CFAP54: variants seen among roughly 807,000 people sequenced by gnomAD.
The protein encoded by CFAP54 is cilia and flagella associated protein 54, also known as cilia- and flagella-associated protein 54.
A neutral mutation model predicts 370.4 loss-of-function variants in CFAP54; 290 were observed. That is an observed-to-expected ratio of 0.78 (90% CI 0.71 to 0.86). The LOEUF is 0.86. Ranked by LOEUF, CFAP54 falls within the 40% of genes least tolerant of loss-of-function variation. The pLI is 0.00. For synonymous variants in CFAP54, 1,206 were observed against 1,236.5 expected, an observed-to-expected ratio of 0.98 and a Z score of 0.52; for missense variants, 3,399 against 3,528.7, an observed-to-expected ratio of 0.96 and a Z score of 0.93.
At chr12:96,729,599 C>T (rs994103619) in intron 50 of CFAP54, among the ~76,000 whole-genome samples, 1 of 152,204 alleles carries the variant, frequency 6.6e-6, no homozygotes, top group East Asian at 1.9e-4. Flanking sequence ...TCACCCCTTT[C>T]CTTAACCAGG....
intron 38 of CFAP54, among the ~76,000 whole-genome samples, chr12:96,658,740 T>C (rs1255185375): frequency 6.6e-6 from 1 of 152,136 alleles, no homozygotes; most frequent in African/African-American, 2.4e-5. Context: ...TAATTCAGTC[T>C]GTGGCTCTAA....
chr12:96,815,406 T>C (rs1446992829), intron 64 of CFAP54, among the ~76,000 whole-genome samples: 1 of 151,806 alleles, frequency 6.6e-6, no homozygotes, highest in East Asian at 1.9e-4. Context: ...GGGTTGTTTG[T>C]TTTTTTCTTG....
chr12:96,817,162 A>T (rs1958983804), intron 64 of CFAP54, among the ~76,000 whole-genome samples: 1 of 152,122 alleles, frequency 6.6e-6, no homozygotes, highest in Non-Finnish European at 1.5e-5. Context: ...CCACATAGAT[A>T]ATTATTTTCT....
intron 4 of CFAP54, among the ~76,000 whole-genome samples, chr12:96,512,301 T>TATATA (rs1955178631): frequency 2.9e-4 from 9 of 31,134 alleles, no homozygotes; most frequent in East Asian, 2.7e-3. Context: ...GGAACCAATT[T>TATATA]TATATATATA....
intron 27 of CFAP54, 33 bp downstream of exon 27, chr12:96,621,754 C>A: frequency 6.7e-7 from 1 of 1,485,120 alleles, no homozygotes; most frequent in Non-Finnish European, 8.9e-7. Context: ...TTTAAACCTA[C>A]GTTTAGTTTG....
intron 60 of CFAP54, among the ~76,000 whole-genome samples, chr12:96,779,508 T>C (rs1337331041): frequency 1.3e-5 from 2 of 151,746 alleles, no homozygotes; most frequent in African/African-American, 2.4e-5. Flanking sequence ...TTTTATAATA[T>C]GCCAAGGAAT....
chr12:96,717,881 A>G (rs1422649287), intron 48 of CFAP54, among the ~76,000 whole-genome samples: 2 of 152,214 alleles, frequency 1.3e-5, no homozygotes, highest in African/African-American at 2.4e-5. Flanking sequence ...TACCTAAAAA[A>G]TTCTTTCAGA....
chr12:96,513,134 C>T (rs1955191513), intron 5 of CFAP54, 90 bp downstream of exon 5: 1 of 497,994 alleles, frequency 2.0e-6, no homozygotes, highest in African/African-American at 2.0e-5. Flanking sequence ...GAATGTTAAA[C>T]AAGGAATATT....
Position 96,534,177 on chromosome 12 carries a change from A to T in CFAP54, c.1655A>T (p.Tyr552Phe), listed in dbSNP as rs908131153. ...NKGLIFPLEN[Y>F]KEGQSTQIYL... ...GGTTTGATCTTTCCTTTGGAAAACT[A>T]TAAAGAAGGACAGTCAACTCAAATT... Residue 552 changes from tyrosine (Y) to phenylalanine (F), a missense_variant, in exon 11 of 68, where the codon TAT becomes TTT. This residue lies in a region of CFAP54 where 2,796 missense variants were observed against 2,869.7 expected (regional missense o/e 0.97). Coordinates refer to ENST00000524981, the MANE Select transcript of CFAP54 (RefSeq NM_001306084.2). 1 of 1,510,370 alleles carries T rather than the reference A, an allele frequency of 6.6e-7. No homozygotes were observed. The allele number at this position is 1,510,370 out of a possible 1,614,324, so 93.6% of individuals were successfully genotyped here. A position where few individuals can be genotyped will look rare whatever the true frequency, so the allele number is the denominator to read the frequency against.
chr12:96,746,565 C>T (rs922157931), intron 55 of CFAP54, among the ~76,000 whole-genome samples: 3 of 152,230 alleles, frequency 2.0e-5, no homozygotes, highest in Admixed American at 1.3e-4. Context: ...AATTTTCCAT[C>T]TCCCTCTCTG....
At chr12:96,852,300 T>C (rs1959569697) in intron 66 of CFAP54, among the ~76,000 whole-genome samples, 1 of 152,098 alleles carries the variant, frequency 6.6e-6, no homozygotes, top group Non-Finnish European at 1.5e-5. Flanking sequence ...GGTAGGTAGA[T>C]AGTCTCTATA....
intron 55 of CFAP54, among the ~76,000 whole-genome samples, chr12:96,746,934 A>G (rs1958121003): frequency 6.6e-6 from 1 of 152,236 alleles, no homozygotes; most frequent in Non-Finnish European, 1.5e-5. Flanking sequence ...CACTGCTTCC[A>G]GGAAACTTTT....
chr12:96,611,600 G>A (rs886500235), intron 26 of CFAP54, among the ~76,000 whole-genome samples: 1 of 152,166 alleles, frequency 6.6e-6, no homozygotes, highest in African/African-American at 2.4e-5. Flanking sequence ...AGCTAAGGGA[G>A]GAAGTTAAAA....
At chr12:96,524,013 C>T (rs1167187538) in intron 8 of CFAP54, among the ~76,000 whole-genome samples, 1 of 151,590 alleles carries the variant, frequency 6.6e-6, no homozygotes, top group East Asian at 1.9e-4. Flanking sequence ...TCCTATGTTA[C>T]CTTGGCATAT....
At chr12:96,529,760 C>A (rs965586516) in intron 9 of CFAP54, among the ~76,000 whole-genome samples, 2 of 152,020 alleles carry the variant, frequency 1.3e-5, no homozygotes, top group East Asian at 1.9e-4. Flanking sequence ...TTGCAAATAT[C>A]ATTTCTTACT....
intron 24 of CFAP54, among the ~76,000 whole-genome samples, chr12:96,594,042 A>T (rs1270725914): frequency 1.3e-5 from 2 of 152,112 alleles, no homozygotes; most frequent in South Asian, 2.1e-4. Flanking sequence ...GCTTATTGAT[A>T]AAAAAACTGG....
intron 67 of CFAP54, among the ~76,000 whole-genome samples, chr12:96,872,568 AATG>A (rs1960197234): frequency 6.6e-6 from 1 of 152,256 alleles, no homozygotes; most frequent in Admixed American, 6.5e-5. Context: ...AACATTTTAT[AATG>A]ATGAAAGCAT....
chr12:96,850,434 C>T (rs761280320), intron 66 of CFAP54, among the ~76,000 whole-genome samples: 7 of 151,888 alleles, frequency 4.6e-5, no homozygotes, highest in Non-Finnish European at 1.0e-4. Flanking sequence ...TCATGGAGAG[C>T]CTTGGACTTG....
chr12:96,834,483 C>T (rs542533580), intron 66 of CFAP54, among the ~76,000 whole-genome samples: 12 of 152,338 alleles, frequency 7.9e-5, no homozygotes, highest in East Asian at 1.9e-4. Context: ...TGGCCACTGG[C>T]AGTCAGACAT....
Sources: allele counts gnomAD v4.1 joint callset (sites outside exome capture counted in the v4.1 genomes callset), GRCh38; gene constraint gnomAD v4.1.1; regional missense constraint gnomAD v4.1.1; transcripts MANE v1.5; gene names NCBI Gene and HGNC (gene_info 2026-07-23, HGNC 2026-07-21).